Variants in CACNA1C observed in about 807,000 individuals in gnomAD.
CACNA1C encodes calcium voltage-gated channel subunit alpha1 C, also known as voltage-dependent L-type calcium channel subunit alpha-1C.
In CACNA1C, 30 loss-of-function variants were observed where a neutral mutation model predicts 229.0. That is an observed-to-expected ratio of 0.13 (90% CI 0.10 to 0.18). CACNA1C has a LOEUF of 0.18. Among genes scored for constraint, CACNA1C ranks in the 10% least tolerant of loss-of-function variants. CACNA1C has a pLI of 1.00. For synonymous variants in CACNA1C, 1,114 were observed against 1,132.5 expected, an observed-to-expected ratio of 0.98 and a Z score of 0.33; for missense variants, 1,658 against 2,845.0, an observed-to-expected ratio of 0.58 and a Z score of 9.49.
At chr12:2,457,947 C>G (rs2099449684) in intron 5 of CACNA1C, among the ~76,000 whole-genome samples, 1 of 152,232 alleles carries the variant, frequency 6.6e-6, no homozygotes, top group Admixed American at 6.5e-5. Flanking sequence ...AGTCACTCAG[C>G]CACATGAATC....
chr12:2,232,295 A>G (rs1481159023), intron 3 of CACNA1C, among the ~76,000 whole-genome samples: 2 of 140,456 alleles, frequency 1.4e-5, no homozygotes, highest in Non-Finnish European at 3.0e-5. Context: ...ACACTTTTGA[A>G]GAATCCGGGT....
At chr12:2,625,459 C>T (rs1378719668) in intron 29 of CACNA1C, among the ~76,000 whole-genome samples, 14 of 152,194 alleles carry the variant, frequency 9.2e-5, no homozygotes, top group South Asian at 2.1e-4. Context: ...GAGGTGCTGC[C>T]AGTGCTTCCG....
chr12:2,462,265 C>A (rs1162373201), intron 5 of CACNA1C, among the ~76,000 whole-genome samples: 1 of 150,016 alleles, frequency 6.7e-6, no homozygotes, highest in Non-Finnish European at 1.5e-5. Flanking sequence ...GCTCTCCATA[C>A]AGGCCTGCAC....
intron 21 of CACNA1C, among the ~76,000 whole-genome samples, chr12:2,600,140 GCT>G (rs2071169989): frequency 6.6e-6 from 1 of 152,132 alleles, no homozygotes; most frequent in African/African-American, 2.4e-5. Flanking sequence ...GAAGTACTGG[GCT>G]TTCTGCAGGC....
At chr12:2,577,519 C>T (rs1339765407) in intron 13 of CACNA1C, among the ~76,000 whole-genome samples, 2 of 152,226 alleles carry the variant, frequency 1.3e-5, no homozygotes, top group Non-Finnish European at 2.9e-5. Flanking sequence ...AATCCCTCCC[C>T]ATGGATGTAG....
chr12:2,213,270 A>G (rs1379582341), intron 3 of CACNA1C, among the ~76,000 whole-genome samples: 1 of 151,886 alleles, frequency 6.6e-6, no homozygotes, highest in African/African-American at 2.4e-5. Flanking sequence ...GGAAGGAAAA[A>G]TCCCTCCCAG....
At chr12:2,170,318 T>G (rs1269036113) in intron 3 of CACNA1C, among the ~76,000 whole-genome samples, 1 of 152,222 alleles carries the variant, frequency 6.6e-6, no homozygotes, top group Non-Finnish European at 1.5e-5. Flanking sequence ...TCTACTCTGC[T>G]TTACCTGCCG....
intron 3 of CACNA1C, among the ~76,000 whole-genome samples, chr12:2,247,669 G>A (rs1488228267): frequency 6.6e-6 from 1 of 152,156 alleles, no homozygotes; most frequent in South Asian, 2.1e-4. Context: ...TTTGCAAAGG[G>A]ACAAAAGGAA....
At chr12:2,580,448 G>A (rs1600916993) in intron 13 of CACNA1C, among the ~76,000 whole-genome samples, 1 of 152,240 alleles carries the variant, frequency 6.6e-6, no homozygotes, top group East Asian at 1.9e-4. Flanking sequence ...GTCTGGATTG[G>A]TGATGAGCTG....
chr12:2,231,604 T>C (rs1035572686), intron 3 of CACNA1C, among the ~76,000 whole-genome samples: 4 of 152,312 alleles, frequency 2.6e-5, no homozygotes, highest in Admixed American at 1.3e-4. Flanking sequence ...ATTTTGTTTT[T>C]AAAATCAGAG....
At position 2,486,120 on chromosome 12, in the gene CACNA1C, G is replaced by C; in HGVS notation, c.774G>C (p.Leu258=). 1 of 1,608,908 alleles carries C rather than the reference G, an allele frequency of 6.2e-7. No homozygotes were observed. Among genetic ancestry groups the C allele is most frequent in the Non-Finnish European group, 8.5e-7 (1 of 1,177,060 alleles). ...TCCCCGCAGGTCTCCAGGTGGTCCT[G>C]AATTCCATCATCAAGGCCATGGTCC... ...VSGVPSLQVV[L]NSIIKAMVPL... The change falls in exon 6 of 47, where the codon CTG becomes CTC. Residue 258 remains leucine, a synonymous_variant. Coordinates refer to ENST00000399655, the MANE Select transcript of CACNA1C (RefSeq NM_000719.7). The surrounding 1 kb of genome is among the most constrained non-coding windows in gnomAD (Gnocchi z 4.9).
intron 3 of CACNA1C, among the ~76,000 whole-genome samples, chr12:2,413,603 G>T (rs2098832846): frequency 6.6e-6 from 1 of 152,200 alleles, no homozygotes; most frequent in Non-Finnish European, 1.5e-5. Flanking sequence ...CTGCAAAACT[G>T]CTGTGTTTGA....
intron 1 of CACNA1C, among the ~76,000 whole-genome samples, chr12:2,018,524 G>A (rs1411055874): frequency 2.0e-5 from 3 of 152,216 alleles, no homozygotes; most frequent in Admixed American, 2.0e-4. Flanking sequence ...TTGAGAGGCA[G>A]TCAGGATGAA....
chr12:2,677,531 C>A lies in CACNA1C; in HGVS notation c.4957-202C>A. The A allele has an allele frequency of 1.5e-6, 1 of 655,628 alleles. No individual in the cohort carries two copies. The allele number at this position is 655,628 out of a possible 1,614,324, so 40.6% of individuals were successfully genotyped here. On this transcript the variant is annotated intron_variant, in intron 40 of 46. Transcript: ENST00000399655. The surrounding 1 kb of genome is among the most constrained non-coding windows in gnomAD (Gnocchi z 7.4). ...GCCCCGTCCTAATGAGCCTTCATCCCTCCTGGATGGGCGAGTGGATTGTTC... is the reference window on the plus strand; with the variant it reads ...GCCCCGTCCTAATGAGCCTTCATCCATCCTGGATGGGCGAGTGGATTGTTC...
chr12:2,572,038 T>C (rs2054760843), intron 13 of CACNA1C, among the ~76,000 whole-genome samples: 1 of 3,358 alleles, frequency 3.0e-4, no homozygotes, highest in East Asian at 0.25. Context: ...ATTTCTTCTC[T>C]TTTTTTTTTT....
rs1038432776 is a variant in CACNA1C, at chr12:2,570,412, G to A, written c.1895+2618G>A. On this transcript the variant is annotated intron_variant, in intron 13 of 46. Coordinates refer to ENST00000399655, the MANE Select transcript of CACNA1C (RefSeq NM_000719.7). ...GGTCACATGGTGTTGTGGATGGTCC[G>A]GGGAGGTAGACATTTAAAGTGTTTC... Among the ~76,000 whole-genome samples, 7 of 152,074 alleles carry A rather than the reference G, an allele frequency of 4.6e-5. No individual in the cohort carries two copies. In the East Asian group the frequency reaches 5.8e-4, roughly 13 times the overall value.
At chr12:2,310,371 A>G (rs1215666694) in intron 3 of CACNA1C, among the ~76,000 whole-genome samples, 1 of 150,576 alleles carries the variant, frequency 6.6e-6, no homozygotes, top group Admixed American at 6.6e-5. Flanking sequence ...ATATATATAT[A>G]TGTATGGGAA....
At chr12:2,530,572 C>T (rs968645941) in intron 9 of CACNA1C, among the ~76,000 whole-genome samples, 3 of 152,194 alleles carry the variant, frequency 2.0e-5, no homozygotes, top group Non-Finnish European at 4.4e-5. Flanking sequence ...GTGACCTTTT[C>T]TGAATGGCAG....
At chr12:2,324,386 C>T (rs976025768) in intron 3 of CACNA1C, among the ~76,000 whole-genome samples, 8 of 152,164 alleles carry the variant, frequency 5.3e-5, no homozygotes, top group Admixed American at 1.3e-4. Context: ...AGGGACAAGC[C>T]GCGCCCTTGC....
Sources: allele counts gnomAD v4.1 joint callset (sites outside exome capture counted in the v4.1 genomes callset), GRCh38; gene constraint gnomAD v4.1.1; non-coding constraint Gnocchi (gnomAD v3.1); transcripts MANE v1.5; gene names NCBI Gene and HGNC (gene_info 2026-07-23, HGNC 2026-07-21).